The following KIZ variants were observed in gnomAD, a reference collection of about 807,000 sequenced individuals.
KIZ encodes the protein centrosomal protein kizuna.
Under a neutral mutation model 79.6 loss-of-function variants are expected in KIZ, and 68 were observed. The observed-to-expected ratio is 0.85, with a 90% CI of 0.70 to 1.05. The LOEUF (loss-of-function observed/expected upper bound fraction) is 1.05, where lower values mean the gene tolerates loss of function less well. Among genes scored for constraint, KIZ ranks in the 50% least tolerant of loss-of-function variants. The pLI, the probability that KIZ is intolerant of heterozygous loss-of-function variation, is 0.00. For missense variants in KIZ, 797 were observed against 800.4 expected, an observed-to-expected ratio of 1.00 and a Z score of 0.05; for synonymous variants, 280 against 281.8, an observed-to-expected ratio of 0.99 and a Z score of 0.06.
In KIZ at chr20:21,136,523, A is replaced by G; in HGVS notation, c.286A>G (p.Thr96Ala). ...RVQAHVVHFT[T>A]NTEKLQKLKL... ...CCAAGCTCATGTTGTACACTTCACC[A>G]CAAATACAGAGAAGCTTCAAAAACT... Residue 96 changes from threonine to alanine, a missense_variant, in exon 3 of 13, where the codon ACA (threonine) becomes GCA (alanine). By Grantham distance (58) the Thr-to-Ala change is moderately conservative (BLOSUM62 0). Coordinates refer to ENST00000619189, the MANE Select transcript of KIZ (RefSeq NM_018474.6). The G allele has an allele frequency of 1.9e-6, 3 of 1,579,818 alleles. No individual in the cohort carries two copies. The highest frequency in any genetic ancestry group is 2.6e-6 in the Non-Finnish European group (3 of 1,165,936).
At chr20:21,243,610 A>G (rs2123526996) in intron 11 of KIZ, among the ~76,000 whole-genome samples, 1 of 152,290 alleles carries the variant, frequency 6.6e-6, no homozygotes, top group Admixed American at 6.5e-5. Flanking sequence ...AAATTGCAAA[A>G]GCTCCTGAAA....
intron 4 of KIZ, among the ~76,000 whole-genome samples, chr20:21,146,601 C>T (rs527535944): frequency 5.9e-5 from 9 of 152,248 alleles, no homozygotes; most frequent in African/African-American, 2.2e-4. Flanking sequence ...ACTTTTTCTC[C>T]TTTTACCTGC....
chr20:21,148,916 G>A (rs1341102956), intron 4 of KIZ: 4 of 152,210 alleles, frequency 2.6e-5, no homozygotes, highest in African/African-American at 9.6e-5. Context: ...CTCCCTGCAA[G>A]GATCAGGTGG....
chr20:21,149,633 C>T (rs540935131), intron 4 of KIZ, among the ~76,000 whole-genome samples: 8 of 152,222 alleles, frequency 5.3e-5, no homozygotes, highest in South Asian at 2.1e-4. Context: ...GAGAGGCACA[C>T]GTCAGAGAAG....
intron 6 of KIZ, among the ~76,000 whole-genome samples, chr20:21,182,036 A>G (rs1304814733): frequency 6.6e-6 from 1 of 152,220 alleles, no homozygotes; most frequent in African/African-American, 2.4e-5. Context: ...TCCTACAGCC[A>G]GGAGCAAAGT....
intron 11 of KIZ, among the ~76,000 whole-genome samples, chr20:21,236,092 C>G (rs1246844526): frequency 6.6e-6 from 1 of 152,200 alleles, no homozygotes; most frequent in Non-Finnish European, 1.5e-5. Flanking sequence ...CGTTTCTTAT[C>G]ACAAGCCTAC....
intron 6 of KIZ, among the ~76,000 whole-genome samples, chr20:21,168,189 C>A (rs924171315): frequency 6.6e-6 from 1 of 152,070 alleles, no homozygotes; most frequent in Non-Finnish European, 1.5e-5. Context: ...TTTGTCCTTG[C>A]GATAATTTGC....
chr20:21,148,269 A>G (rs1194345315), intron 4 of KIZ, among the ~76,000 whole-genome samples: 3 of 152,202 alleles, frequency 2.0e-5, no homozygotes, highest in African/African-American at 7.2e-5. Context: ...GTGGCTATAC[A>G]GCTTTCAACC....
At chr20:21,150,176 A>T (rs926862526) in intron 4 of KIZ, among the ~76,000 whole-genome samples, 4 of 152,192 alleles carry the variant, frequency 2.6e-5, no homozygotes, top group African/African-American at 7.2e-5. Flanking sequence ...CTGGTGCTGC[A>T]CAGCAGCTGA....
At chr20:21,140,910 G>C (rs888064888) in intron 3 of KIZ, among the ~76,000 whole-genome samples, 5 of 151,394 alleles carry the variant, frequency 3.3e-5, no homozygotes, top group East Asian at 1.9e-4. Context: ...AATCTGAGAT[G>C]GGGGGGGATC....
intron 9 of KIZ, among the ~76,000 whole-genome samples, chr20:21,223,769 A>C (rs1035788703): frequency 6.7e-6 from 1 of 149,762 alleles, no homozygotes; most frequent in Non-Finnish European, 1.5e-5. Flanking sequence ...TCCCAGGTTC[A>C]AGTGATTCTC....
At chr20:21,161,816 C>A in intron 4 of KIZ, 55 bp from the exon 5 acceptor site, 1 of 1,279,338 alleles carries the variant, frequency 7.8e-7, no homozygotes, top group Non-Finnish European at 1.1e-6. Context: ...AAAAAAAACC[C>A]CACCTAATTG....
intron 4 of KIZ, among the ~76,000 whole-genome samples, chr20:21,157,002 C>G (rs1453347086): frequency 2.6e-5 from 4 of 152,072 alleles, no homozygotes; most frequent in Non-Finnish European, 5.9e-5. Flanking sequence ...TGCACACCTG[C>G]AGTCCCAGCT....
At chr20:21,242,478 A>C (rs2037250628) in intron 11 of KIZ, among the ~76,000 whole-genome samples, 1 of 150,246 alleles carries the variant, frequency 6.7e-6, no homozygotes, top group African/African-American at 2.4e-5. Flanking sequence ...GAGAGAAGCA[A>C]GAGCTGATAG....
At chr20:21,202,897 A>G (rs554146825) in intron 6 of KIZ, among the ~76,000 whole-genome samples, 1 of 152,292 alleles carries the variant, frequency 6.6e-6, no homozygotes. Flanking sequence ...CAGATCCACC[A>G]ACTGCTCACA....
At chr20:21,150,942 C>T (rs1451085190) in intron 4 of KIZ, 2 of 152,198 alleles carry the variant, frequency 1.3e-5, no homozygotes, top group African/African-American at 4.8e-5. Flanking sequence ...CTCTCCACTC[C>T]TGCTTTTGGG....
intron 11 of KIZ, among the ~76,000 whole-genome samples, chr20:21,236,141 C>A (rs758228859): frequency 1.5e-4 from 23 of 152,170 alleles, no homozygotes; most frequent in Non-Finnish European, 2.8e-4. Flanking sequence ...TAAGAACAAT[C>A]GCTTGATTAT....
chr20:21,159,219 A>G (rs1331971042), intron 4 of KIZ, among the ~76,000 whole-genome samples: 2 of 151,772 alleles, frequency 1.3e-5, no homozygotes, highest in African/African-American at 2.4e-5. Context: ...GAGTCTCACT[A>G]TGTTGCCAAG....
At chr20:21,190,974 G>A (rs1427786641) in intron 6 of KIZ, among the ~76,000 whole-genome samples, 3 of 152,160 alleles carry the variant, frequency 2.0e-5, no homozygotes, top group Non-Finnish European at 2.9e-5. Context: ...TGGAGGAGGA[G>A]GGAGGTGGAC....
Sources: allele counts gnomAD v4.1 joint callset (sites outside exome capture counted in the v4.1 genomes callset), GRCh38; gene constraint gnomAD v4.1.1; transcripts MANE v1.5; gene names NCBI Gene and HGNC (gene_info 2026-07-23, HGNC 2026-07-21).